ADGRB3: variants seen among roughly 807,000 people sequenced by gnomAD.
The protein encoded by ADGRB3 is brain-specific angiogenesis inhibitor 3.
In ADGRB3, 37 loss-of-function variants were observed where a neutral mutation model predicts 193.4. The observed-to-expected ratio is 0.19, with a 90% CI of 0.15 to 0.25. The LOEUF (loss-of-function observed/expected upper bound fraction) is 0.25, where lower values mean the gene tolerates loss of function less well. Among genes scored for constraint, ADGRB3 ranks in the 10% least tolerant of loss-of-function variants. The pLI, the probability that ADGRB3 is intolerant of heterozygous loss-of-function variation, is 1.00. For missense variants in ADGRB3, 1,637 were observed against 1,852.9 expected (o/e 0.88, Z 2.14); for synonymous variants, 690 against 644.2 (o/e 1.07, Z -1.08).
intron 3 of ADGRB3, among the ~76,000 whole-genome samples, chr6:68,781,257 G>A (rs755738402): frequency 6.6e-6 from 1 of 152,128 alleles, no homozygotes; most frequent in Non-Finnish European, 1.5e-5. Flanking sequence ...GCCAAACGCA[G>A]TTTTCTCTTG....
At chr6:68,859,723 G>C (rs1765096982) in intron 3 of ADGRB3, among the ~76,000 whole-genome samples, 1 of 152,034 alleles carries the variant, frequency 6.6e-6, no homozygotes, top group Admixed American at 6.6e-5. Flanking sequence ...CTCCCACCAG[G>C]TCCCTCCCAT....
intron 3 of ADGRB3, among the ~76,000 whole-genome samples, chr6:68,873,738 G>C (rs1310099917): frequency 6.6e-6 from 1 of 151,948 alleles, no homozygotes; most frequent in Non-Finnish European, 1.5e-5. Context: ...CTCCAGTATT[G>C]ACAATATATT....
chr6:68,748,041 T>C (rs1383987452), intron 3 of ADGRB3, among the ~76,000 whole-genome samples: 3 of 152,116 alleles, frequency 2.0e-5, no homozygotes, highest in Non-Finnish European at 2.9e-5. Flanking sequence ...ATCACGAGAA[T>C]AGCATGGAAA....
Position 69,332,903 on chromosome 6 carries a change from A to C in ADGRB3, c.3103-20A>C. 1 of 1,612,072 alleles carries C rather than the reference A, an allele frequency of 6.2e-7. No homozygotes were observed. ...TCCCTTCAATATCATTGAAAGGTCA[A>C]CTTTGTTTCTGTTTGACAGGTCAAC... On this transcript the variant is annotated intron_variant, in intron 23 of 31. Transcript: ENST00000370598.
At chr6:69,122,993 C>CGTGTGTGTGT (rs150375798) in intron 17 of ADGRB3, among the ~76,000 whole-genome samples, 1,644 of 148,682 alleles carry the variant, frequency 0.011, 28 homozygotes, top group East Asian at 0.048. Flanking sequence ...TATACACATA[C>CGTGTGTGTGT]GTGTGAGTGT....
intron 3 of ADGRB3, among the ~76,000 whole-genome samples, chr6:68,794,341 G>A (rs1767166805): frequency 6.6e-6 from 1 of 151,614 alleles, no homozygotes; most frequent in African/African-American, 2.4e-5. Context: ...TTACATATAT[G>A]CATATATACA....
rs558790816 is a variant in ADGRB3, at chr6:69,036,935, G to A, written c.2108-11250G>A. Among the ~76,000 whole-genome samples, 130 of 152,236 alleles carry A rather than the reference G, an allele frequency of 8.5e-4. 1 individual carries two copies. The highest frequency in any genetic ancestry group is 1.4e-3 in the Non-Finnish European group (94 of 68,010). On this transcript the variant is annotated intron_variant, in intron 13 of 31. Transcript: ENST00000370598. ...ATAATCTGCTTTATATTTAAGAATGGTTTATGAGAGAAAGAATTTAGGGGC... is the reference window on the plus strand; with the variant it reads ...ATAATCTGCTTTATATTTAAGAATGATTTATGAGAGAAAGAATTTAGGGGC...
At chr6:69,327,717 GT>G (rs778450998) in intron 21 of ADGRB3, 102 bp from the exon 22 acceptor site, 48 of 828,596 alleles carry the variant, frequency 5.8e-5, no homozygotes, top group Non-Finnish European at 8.5e-5. Flanking sequence ...TCCAAAGATA[GT>G]TTATCTAATT....
At chr6:68,976,172 A>G (rs1343895951) in intron 10 of ADGRB3, among the ~76,000 whole-genome samples, 1 of 152,238 alleles carries the variant, frequency 6.6e-6, no homozygotes, top group Non-Finnish European at 1.5e-5. Context: ...TCACTCAAAA[A>G]TATACATAAC....
chr6:69,083,890 T>G (rs879448190), intron 17 of ADGRB3, among the ~76,000 whole-genome samples: 7 of 150,798 alleles, frequency 4.6e-5, no homozygotes, highest in Admixed American at 4.0e-4. Context: ...TTCTCCTGCC[T>G]CAGCCTCCTG....
chr6:68,915,215 T>A (rs1766842479), intron 3 of ADGRB3, among the ~76,000 whole-genome samples: 1 of 152,158 alleles, frequency 6.6e-6, no homozygotes, highest in African/African-American at 2.4e-5. Context: ...AGCTACGTAA[T>A]GATGGACAAG....
At chr6:69,251,029 C>T (rs1261842770) in intron 20 of ADGRB3, among the ~76,000 whole-genome samples, 1 of 152,168 alleles carries the variant, frequency 6.6e-6, no homozygotes, top group Non-Finnish European at 1.5e-5. Flanking sequence ...ACTGGCCACC[C>T]ATTAGAAATG....
intron 20 of ADGRB3, among the ~76,000 whole-genome samples, chr6:69,314,868 C>A (rs1355481476): frequency 6.6e-6 from 1 of 151,484 alleles, no homozygotes; most frequent in African/African-American, 2.4e-5. Context: ...TGAAATGAAC[C>A]TTGTCTTCAC....
chr6:68,727,534 A>G (rs1765695357), intron 3 of ADGRB3, among the ~76,000 whole-genome samples: 1 of 151,556 alleles, frequency 6.6e-6, no homozygotes, highest in African/African-American at 2.4e-5. Flanking sequence ...GAAAAACTAA[A>G]AGATGTATAC....
intron 3 of ADGRB3, among the ~76,000 whole-genome samples, chr6:68,925,620 C>T (rs1007412173): frequency 1.3e-4 from 20 of 151,852 alleles, no homozygotes; most frequent in African/African-American, 3.4e-4. Context: ...TTCTCTTTGG[C>T]GACATATTAA....
intron 3 of ADGRB3, among the ~76,000 whole-genome samples, chr6:68,679,278 C>T (rs1008712624): frequency 3.3e-5 from 5 of 152,288 alleles, no homozygotes; most frequent in African/African-American, 9.6e-5. Context: ...GTTCAGTGAA[C>T]GTGCTCCTGC....
intron 3 of ADGRB3, among the ~76,000 whole-genome samples, chr6:68,800,524 G>T (rs1049570833): frequency 9.2e-5 from 14 of 152,098 alleles, no homozygotes; most frequent in African/African-American, 3.4e-4. Flanking sequence ...GAGGTGTTGA[G>T]ACTGAAGGTA....
chr6:68,971,403 T>C (rs186609486), intron 8 of ADGRB3, among the ~76,000 whole-genome samples: 2 of 152,316 alleles, frequency 1.3e-5, no homozygotes, highest in East Asian at 3.9e-4. Context: ...AATCTGTGTG[T>C]TGGAAAAGTC....
rs181923842 is a variant in ADGRB3, at chr6:68,966,480, G to A, written c.1526-8283G>A. ...CTTTACACTTTACCCTTTCTGAAAC[G>A]GTCACCTTCTTGGTTATTCCCAGTT... On this transcript the variant is annotated intron_variant, in intron 8 of 31. Transcript: ENST00000370598. 2.6e-5 allele frequency among the ~76,000 whole-genome samples: 4 copies of A among 151,926 alleles called. No homozygotes were observed. The East Asian group carries it at 7.7e-4, about 29-fold the overall frequency.
Sources: gnomAD v4.1 joint callset for allele counts (sites outside exome capture counted in the v4.1 genomes callset) on GRCh38, gnomAD v4.1.1 for gene constraint, MANE v1.5 for transcripts, NCBI Gene and HGNC (gene_info 2026-07-23, HGNC 2026-07-21) for gene names.